The following CAST variants were observed in gnomAD, a reference collection of about 807,000 sequenced individuals.
CAST encodes calpastatin.
In CAST, 76 loss-of-function variants were observed where a neutral mutation model predicts 119.6. That is an observed-to-expected ratio of 0.64 (90% confidence interval 0.53 to 0.77). The LOEUF (loss-of-function observed/expected upper bound fraction) is 0.77, where lower values mean the gene tolerates loss of function less well. CAST is among the 30% of genes least tolerant of loss of function. The pLI, the probability that CAST is intolerant of heterozygous loss-of-function variation, is 0.00. For synonymous variants in CAST, 319 were observed against 331.6 expected (o/e 0.96, Z 0.41); for missense variants, 953 against 946.5 (o/e 1.01, Z -0.09).
Position 96,740,053 on chromosome 5 carries a change from A to T in CAST, c.814A>T (p.Thr272Ser), listed in dbSNP as rs755306194. ...TTTGTTCCAGGATCCAATGAGTTCC[A>T]CCTACATAGAGGAATTGGGTAAAAG... The part of the protein sequence containing the change: ...GPEVSDPMSS[T>S]YIEELGKREV... Residue 272 changes from threonine (T) to serine (S), a missense_variant, in exon 12 of 32, where the codon ACC (threonine) becomes TCC (serine). Coordinates refer to ENST00000675179, the MANE Select transcript of CAST (RefSeq NM_001750.7). The T allele has an allele frequency of 6.4e-7, 1 of 1,568,786 alleles. No individual in the cohort carries two copies. The highest frequency in any genetic ancestry group is 8.7e-7 in the Non-Finnish European group (1 of 1,145,214).
chr5:96,234,977 T>C, the CAST span, among the ~76,000 whole-genome samples: 13 of 152,324 alleles, frequency 8.5e-5, no homozygotes, highest in East Asian at 2.5e-3. Flanking sequence ...TTCAAGAAAG[T>C]ATTCAAAAAT....
chr5:96,198,666 G>C, the CAST span, among the ~76,000 whole-genome samples: 1 of 152,148 alleles, frequency 6.6e-6, no homozygotes, highest in East Asian at 1.9e-4. Context: ...TTATAGTCTT[G>C]AACTTTCCTT....
At chr5:96,546,202 A>C (rs1240371518) in intron 1 of CAST, 1 of 152,062 alleles carries the variant, frequency 6.6e-6, no homozygotes, top group African/African-American at 2.4e-5. Context: ...TCCATAAGTC[A>C]GATTTTTTTT....
chr5:96,514,179 C>T, the CAST span, among the ~76,000 whole-genome samples: 42 of 152,234 alleles, frequency 2.8e-4, no homozygotes, highest in African/African-American at 9.6e-4. Flanking sequence ...AGGACTTCAA[C>T]GCATATTTTT....
At chr5:96,063,758 C>T in the CAST span, among the ~76,000 whole-genome samples, 10 of 152,248 alleles carry the variant, frequency 6.6e-5, no homozygotes, top group South Asian at 2.1e-4. Context: ...GAGGTTGCTA[C>T]GTGTCATTCC....
chr5:96,398,784 A>G, the CAST span: 1 of 1,034,576 alleles, frequency 9.7e-7, no homozygotes, highest in Non-Finnish European at 1.5e-6. Flanking sequence ...ATCTATTAGG[A>G]GACTTTGTTC....
intron 1 of CAST, among the ~76,000 whole-genome samples, chr5:96,567,364 T>G (rs1244594843): frequency 6.6e-6 from 1 of 152,154 alleles, no homozygotes; most frequent in Non-Finnish European, 1.5e-5. Context: ...CCATGCATAT[T>G]TCCTATGCCT....
chr5:96,334,385 C>G, the CAST span, among the ~76,000 whole-genome samples: 1 of 152,180 alleles, frequency 6.6e-6, no homozygotes, highest in Non-Finnish European at 1.5e-5. Context: ...AGCCCACCCA[C>G]CCACCTCCAC....
the CAST span, among the ~76,000 whole-genome samples, chr5:96,206,475 T>A: frequency 2.6e-5 from 4 of 152,132 alleles, no homozygotes; most frequent in Non-Finnish European, 5.9e-5. Flanking sequence ...TGAGTTGATT[T>A]TTGTATATGG....
the CAST span, among the ~76,000 whole-genome samples, chr5:96,282,880 A>G: frequency 6.6e-6 from 1 of 152,086 alleles, no homozygotes. Context: ...TTGTAATCCC[A>G]GCACTTTGGG....
chr5:96,138,788 T>G, the CAST span, among the ~76,000 whole-genome samples: 1 of 152,078 alleles, frequency 6.6e-6, no homozygotes, highest in Admixed American at 6.6e-5. Context: ...GAAAAAGAAT[T>G]GGACTTGCTT....
intron 2 of CAST, among the ~76,000 whole-genome samples, chr5:96,693,001 T>G (rs1440306428): frequency 3.9e-5 from 6 of 152,246 alleles, no homozygotes; most frequent in Non-Finnish European, 4.4e-5. Context: ...AAACTCTGAT[T>G]ACCAATCTGA....
chr5:96,455,084 T>C, the CAST span, among the ~76,000 whole-genome samples: 3 of 152,294 alleles, frequency 2.0e-5, no homozygotes, highest in East Asian at 1.9e-4. Flanking sequence ...CGCAGGCATA[T>C]GGCAATAATA....
At chr5:96,372,401 G>C in the CAST span, among the ~76,000 whole-genome samples, 6 of 152,120 alleles carry the variant, frequency 3.9e-5, no homozygotes, top group African/African-American at 1.4e-4. Flanking sequence ...GGCTCTTCTA[G>C]CCAATGGATA....
chr5:96,149,045 T>C, the CAST span, among the ~76,000 whole-genome samples: 1 of 152,378 alleles, frequency 6.6e-6, no homozygotes, highest in African/African-American at 2.4e-5. Context: ...TCAAAATTTC[T>C]ATTCTCTTAA....
Position 96,760,120 on chromosome 5 carries a change from A to G in CAST, c.1834-2154A>G, listed in dbSNP as rs147832094. On this transcript the variant is annotated intron_variant, in intron 24 of 31. Transcript: ENST00000675179. ...TGTCATGAAAAAGATGGGGTCACATAGTTGCTTCTATGAGTAATTATGGTG... is the reference window on the plus strand; with the variant it reads ...TGTCATGAAAAAGATGGGGTCACATGGTTGCTTCTATGAGTAATTATGGTG... 7.3e-3 allele frequency among the ~76,000 whole-genome samples: 1,110 copies of G among 152,130 alleles called. 13 individuals are homozygous for G. The highest frequency in any genetic ancestry group is 0.025 in the African/African-American group (1,050 of 41,564).
chr5:96,754,367 C>T (rs1765822173), intron 21 of CAST, among the ~76,000 whole-genome samples: 1 of 152,202 alleles, frequency 6.6e-6, no homozygotes, highest in Admixed American at 6.5e-5. Flanking sequence ...TCGACATGCA[C>T]AGACCGGAGG....
intron 16 of CAST, among the ~76,000 whole-genome samples, chr5:96,745,712 AGTT>A (rs1446676307): frequency 6.6e-6 from 1 of 152,222 alleles, no homozygotes; most frequent in Non-Finnish European, 1.5e-5. Context: ...TAATGCAGCT[AGTT>A]GTTCATGGTT....
intron 1 of CAST, among the ~76,000 whole-genome samples, chr5:96,656,250 G>A (rs1748157350): frequency 1.3e-5 from 2 of 152,184 alleles, no homozygotes. Flanking sequence ...TATACTCTAT[G>A]CATATTCTGC....
Sources: allele counts gnomAD v4.1 joint callset (sites outside exome capture counted in the v4.1 genomes callset), GRCh38; gene constraint gnomAD v4.1.1; transcripts MANE v1.5; gene names NCBI Gene and HGNC (gene_info 2026-07-23, HGNC 2026-07-21).